The following TMC7 variants were observed in gnomAD, a reference collection of about 807,000 sequenced individuals.
TMC7 encodes the protein transmembrane channel-like protein 7.
A neutral mutation model predicts 82.9 loss-of-function variants in TMC7; 54 were observed. The observed-to-expected ratio is 0.65, with a 90% CI of 0.52 to 0.82. The LOEUF (loss-of-function observed/expected upper bound fraction) is 0.82. Ranked by LOEUF, TMC7 falls within the 40% of genes least tolerant of loss-of-function variation. TMC7 has a pLI of 0.00. For synonymous variants in TMC7, 350 were observed against 337.9 expected, an observed-to-expected ratio of 1.04 and a Z score of -0.39; for missense variants, 820 against 901.2, an observed-to-expected ratio of 0.91 and a Z score of 1.15.
intron 3 of TMC7, among the ~76,000 whole-genome samples, chr16:19,017,216 C>A (rs1959735895): frequency 6.6e-6 from 1 of 151,792 alleles, no homozygotes; most frequent in South Asian, 2.1e-4. Context: ...GCTCATGATG[C>A]TCACATAGGT....
chr16:19,034,220 T>A (rs1440480156), intron 6 of TMC7, among the ~76,000 whole-genome samples: 2 of 152,170 alleles, frequency 1.3e-5, no homozygotes, highest in East Asian at 3.8e-4. Flanking sequence ...CTCAAGGAAT[T>A]TAAAATTTAG....
chr16:19,005,514 A>G (rs1239818386), intron 1 of TMC7, among the ~76,000 whole-genome samples: 1 of 152,068 alleles, frequency 6.6e-6, no homozygotes, highest in Non-Finnish European at 1.5e-5. Context: ...ATGGTATTAG[A>G]TCCTCCATTC....
intron 15 of TMC7, among the ~76,000 whole-genome samples, chr16:19,060,999 CTTT>C (rs34398653): frequency 1.5e-5 from 2 of 129,092 alleles, no homozygotes; most frequent in Non-Finnish European, 3.3e-5. Flanking sequence ...GATGGCCAGT[CTTT>C]TTTTTTTTTT....
intron 6 of TMC7, among the ~76,000 whole-genome samples, chr16:19,032,926 C>T (rs543635250): frequency 1.3e-4 from 20 of 152,204 alleles, no homozygotes; most frequent in African/African-American, 2.2e-4. Context: ...CGCACCCAGC[C>T]GAATGAATAA....
At chr16:19,006,296 G>A (rs1299952327) in intron 1 of TMC7, among the ~76,000 whole-genome samples, 1 of 151,980 alleles carries the variant, frequency 6.6e-6, no homozygotes, top group Admixed American at 6.6e-5. Flanking sequence ...CGCCTCCTGG[G>A]TTCAAGCGAT....
chr16:19,056,504 C>T (rs1961778041), intron 13 of TMC7, 38 bp from the exon 14 acceptor site: 1 of 1,601,164 alleles, frequency 6.2e-7, no homozygotes, highest in African/African-American at 1.3e-5. Flanking sequence ...ACCTGTGCTG[C>T]ACGCTCCTTC....
intron 2 of TMC7, among the ~76,000 whole-genome samples, chr16:19,010,452 CAG>C (rs1959260990): frequency 1.3e-5 from 2 of 152,118 alleles, no homozygotes; most frequent in Non-Finnish European, 2.9e-5. Flanking sequence ...CCGTGCCTGG[CAG>C]AAGTTTATTT....
At chr16:19,005,755 C>T (rs1342516085) in intron 1 of TMC7, among the ~76,000 whole-genome samples, 1 of 152,154 alleles carries the variant, frequency 6.6e-6, no homozygotes, top group African/African-American at 2.4e-5. Flanking sequence ...CCATGCAGGG[C>T]TTAGACCCTT....
At chr16:19,026,476 CAAA>C (rs567272137) in intron 5 of TMC7, among the ~76,000 whole-genome samples, 4 of 111,106 alleles carry the variant, frequency 3.6e-5, no homozygotes, top group Non-Finnish European at 5.7e-5. Context: ...GACTCCGTCT[CAAA>C]AAAAAAAAAA....
chr16:19,037,791 TG>T, intron 7 of TMC7, 82 bp from the exon 8 acceptor site: 1 of 1,422,810 alleles, frequency 7.0e-7, no homozygotes, highest in Non-Finnish European at 9.6e-7. Context: ...TAAAGATGGA[TG>T]GGGAGAGAAT....
intron 15 of TMC7, among the ~76,000 whole-genome samples, chr16:19,060,979 G>A (rs1961980843): frequency 6.7e-6 from 1 of 149,758 alleles, no homozygotes; most frequent in African/African-American, 2.5e-5. Flanking sequence ...TAGAGAAGGG[G>A]TTTCACCATG....
At chr16:19,024,959 T>C (rs1485828683) in intron 5 of TMC7, among the ~76,000 whole-genome samples, 1 of 151,718 alleles carries the variant, frequency 6.6e-6, no homozygotes, top group African/African-American at 2.4e-5. Flanking sequence ...TGAGCCGAGA[T>C]TGCACCACTG....
chr16:19,059,774 C>G, intron 15 of TMC7: 3 of 1,121,478 alleles, frequency 2.7e-6, no homozygotes, highest in Non-Finnish European at 3.8e-6. Flanking sequence ...CTCAGGAGTT[C>G]AAGACCAGCC....
rs573022883 is a variant in TMC7 at position 19,003,566 on chromosome 16, A to G, written c.68-5606A>G. On this transcript the variant is annotated intron_variant, in intron 1 of 15. Transcript: ENST00000304381. ...CTCATTGAGAACGGGCCAGGATGAC[A>G]ATGGCGGCTTTGTGGAATAGAAAGG... 5.4e-5 allele frequency among the ~76,000 whole-genome samples: 8 copies of G among 148,476 alleles called. No individual in the cohort carries two copies. The South Asian group carries it at 1.8e-3, about 33-fold the overall frequency.
At chr16:18,990,682 G>C (rs1030763216) in intron 1 of TMC7, among the ~76,000 whole-genome samples, 3 of 152,228 alleles carry the variant, frequency 2.0e-5, no homozygotes, top group Non-Finnish European at 2.9e-5. Flanking sequence ...AGGCGGTGGA[G>C]TTAAGAGCAA....
chr16:19,044,336 C>G (rs977047634), intron 9 of TMC7, among the ~76,000 whole-genome samples: 1 of 152,102 alleles, frequency 6.6e-6, no homozygotes, highest in Admixed American at 6.6e-5. Context: ...ACCACCACAC[C>G]TTGCTCATTT....
chr16:18,984,237 C>A (rs569673838), intron 1 of TMC7, 107 bp downstream of exon 1: 64 of 1,355,124 alleles, frequency 4.7e-5, no homozygotes, highest in Admixed American at 3.2e-4. Flanking sequence ...CCTCCCACCC[C>A]CGACGCCGGG....
intron 1 of TMC7, 99 bp downstream of exon 1, chr16:18,984,229 T>G (rs1463949295): frequency 1.5e-6 from 2 of 1,358,820 alleles, no homozygotes; most frequent in African/African-American, 1.5e-5. Context: ...CGCTGTTCCC[T>G]CCCACCCCCG....
intron 3 of TMC7, among the ~76,000 whole-genome samples, chr16:19,017,247 TA>T (rs1959739328): frequency 1.3e-5 from 2 of 151,826 alleles, no homozygotes; most frequent in Non-Finnish European, 2.9e-5. Flanking sequence ...CACATATTTT[TA>T]AAATAATATG....
Sources: allele counts gnomAD v4.1 joint callset (sites outside exome capture counted in the v4.1 genomes callset), GRCh38; gene constraint gnomAD v4.1.1; transcripts MANE v1.5; gene names NCBI Gene and HGNC (gene_info 2026-07-23, HGNC 2026-07-21).